SRGAP3: variants seen among roughly 807,000 people sequenced by gnomAD.
The protein encoded by SRGAP3 is SLIT-ROBO Rho GTPase activating protein 3.
SRGAP3 carries 39 observed loss-of-function variants against 121.1 expected under a neutral mutation model. The ratio of observed to expected loss-of-function variants is 0.32; its 90% CI spans 0.25 to 0.42. SRGAP3 has a LOEUF of 0.42. Among genes scored for constraint, SRGAP3 ranks in the 10% least tolerant of loss-of-function variants. The pLI, the probability that SRGAP3 is intolerant of heterozygous loss-of-function variation, is 1.00. For missense variants in SRGAP3, 1,213 were observed against 1,470.6 expected (o/e 0.82, Z 2.86); for synonymous variants, 601 against 570.0 (o/e 1.05, Z -0.77).
At chr3:9,028,249 G>T in intron 12 of SRGAP3, 1 of 1,363,142 alleles carries the variant, frequency 7.3e-7, no homozygotes, top group Non-Finnish European at 1.0e-6. Flanking sequence ...TGCAATGGCA[G>T]CCAGCCAAGG....
chr3:9,226,610 A>G (rs577080175), intron 1 of SRGAP3, among the ~76,000 whole-genome samples: 1 of 152,326 alleles, frequency 6.6e-6, no homozygotes, highest in South Asian at 2.1e-4. Context: ...CTCACTGTCA[A>G]CGAGAACCTT....
intron 2 of SRGAP3, among the ~76,000 whole-genome samples, chr3:9,106,839 T>G (rs1230686789): frequency 2.0e-5 from 3 of 151,986 alleles, no homozygotes; most frequent in Non-Finnish European, 2.9e-5. Flanking sequence ...ATACAGCAAT[T>G]CTGCTGACTC....
At chr3:9,192,732 G>A (rs960676894) in intron 1 of SRGAP3, 3 of 152,172 alleles carry the variant, frequency 2.0e-5, no homozygotes, top group African/African-American at 7.2e-5. Flanking sequence ...CAAACCTAAG[G>A]TAGTTTTGGG....
At position 9,239,374 on chromosome 3, in the gene SRGAP3, T is replaced by A. The variant is rs1303978743; in HGVS notation, c.67+9511A>T. Among the ~76,000 whole-genome samples, 1 of 152,134 alleles carries A rather than the reference T, an allele frequency of 6.6e-6. No individual in the cohort carries two copies. The highest frequency in any genetic ancestry group is 2.4e-5 in the African/African-American group (1 of 41,422). On this transcript the variant is annotated intron_variant, in intron 1 of 21. Transcript: ENST00000383836. The surrounding 1 kb of genome is among the most constrained non-coding windows in gnomAD (Gnocchi z 4.0). The stretch of plus-strand genomic sequence containing the variant: ...CAGTCTGGGCAACAGAGCAAGACTC[T>A]GTCTCAAAAAAACAAAAGATAGAGA...
intron 4 of SRGAP3, among the ~76,000 whole-genome samples, chr3:9,072,723 TG>T (rs1402965261): frequency 6.6e-6 from 1 of 152,240 alleles, no homozygotes; most frequent in Non-Finnish European, 1.5e-5. Flanking sequence ...CCCCACTATC[TG>T]GCACTGGGTC....
intron 2 of SRGAP3, 33 bp downstream of exon 2, chr3:9,124,692 C>A: frequency 1.2e-6 from 2 of 1,613,312 alleles, no homozygotes; most frequent in South Asian, 1.1e-5. Flanking sequence ...AGTGCTGCCT[C>A]CCATCTCTGT....
At chr3:9,098,009 C>T (rs894997125) in intron 3 of SRGAP3, among the ~76,000 whole-genome samples, 1 of 152,210 alleles carries the variant, frequency 6.6e-6, no homozygotes, top group African/African-American at 2.4e-5. Flanking sequence ...AGTCTCAGAG[C>T]TGGCTTCCCA....
rs898401409 is a variant in SRGAP3, at chr3:9,109,976, T to C, written c.261-5134A>G. 6.6e-6 allele frequency among the ~76,000 whole-genome samples: 1 copy of C among 151,952 alleles called. No homozygotes were observed. Among genetic ancestry groups the C allele is most frequent in the Admixed American group, 6.6e-5 (1 of 15,250 alleles). ...GGCCACTTGGGAAAGGGCCTTTAAC[T>C]CTCATTAGAGTTCAAGCTCCGTCCT... On this transcript the variant is annotated intron_variant, in intron 2 of 21. Coordinates refer to ENST00000383836, the MANE Select transcript of SRGAP3 (RefSeq NM_014850.4). The surrounding 1 kb of genome is among the most constrained non-coding windows in gnomAD (Gnocchi z 4.4).
chr3:9,014,200 C>T lies in SRGAP3; in HGVS notation c.1814-358G>A, dbSNP rs867628895. 28 of 365,532 alleles carry T rather than the reference C, an allele frequency of 7.7e-5. 1 individual carries two copies. Among genetic ancestry groups the T allele is most frequent in the South Asian group, 4.8e-4 (19 of 39,974 alleles). 22.6% of individuals were successfully genotyped at this position (365,532 alleles called of 1,614,324 possible). On this transcript the variant is annotated intron_variant, in intron 15 of 21. Coordinates refer to ENST00000383836, the MANE Select transcript of SRGAP3 (RefSeq NM_014850.4). ...AGAGTGAAGCTGGCATAGAGCCGGA[C>T]GGGGCATATATCTGCTGATGCCGTG...
At chr3:9,106,940 A>G (rs945750122) in intron 2 of SRGAP3, among the ~76,000 whole-genome samples, 3 of 151,636 alleles carry the variant, frequency 2.0e-5, no homozygotes, top group Non-Finnish European at 4.4e-5. Flanking sequence ...ACCTCTCCCT[A>G]TCTCCTGGGG....
intron 14 of SRGAP3, among the ~76,000 whole-genome samples, chr3:9,020,071 A>G (rs1180284670): frequency 1.3e-5 from 2 of 152,212 alleles, no homozygotes; most frequent in African/African-American, 4.8e-5. Context: ...CATGGTTCCA[A>G]TACCACCATT....
At chr3:9,242,452 T>C (rs955246807) in intron 1 of SRGAP3, among the ~76,000 whole-genome samples, 3 of 152,034 alleles carry the variant, frequency 2.0e-5, no homozygotes, top group Non-Finnish European at 4.4e-5. Context: ...CTGGGCAACA[T>C]GGTGAAACTC....
At chr3:9,089,177 C>T (rs748561546) in intron 3 of SRGAP3, among the ~76,000 whole-genome samples, 6 of 151,876 alleles carry the variant, frequency 4.0e-5, no homozygotes, top group Non-Finnish European at 5.9e-5. Context: ...GTATGAGTCA[C>T]GGTGCCTGGC....
chr3:9,139,341 T>C (rs1224722992), intron 1 of SRGAP3, among the ~76,000 whole-genome samples: 4 of 152,168 alleles, frequency 2.6e-5, no homozygotes, highest in Non-Finnish European at 5.9e-5. Context: ...ATTAAGGATC[T>C]TGAGGAGATT....
At chr3:9,075,276 G>T (rs1946907996) in intron 4 of SRGAP3, among the ~76,000 whole-genome samples, 1 of 152,180 alleles carries the variant, frequency 6.6e-6, no homozygotes, top group Admixed American at 6.5e-5. Context: ...GGATATATGT[G>T]TGCGCACGCT....
intron 1 of SRGAP3, among the ~76,000 whole-genome samples, chr3:9,159,413 G>A (rs1172732992): frequency 6.6e-6 from 1 of 152,134 alleles, no homozygotes; most frequent in African/African-American, 2.4e-5. Flanking sequence ...TCTGCCACCT[G>A]GGCCACTGTA....
intron 1 of SRGAP3, among the ~76,000 whole-genome samples, chr3:9,203,843 C>T (rs1952161872): frequency 6.6e-6 from 1 of 152,166 alleles, no homozygotes; most frequent in Admixed American, 6.5e-5. Flanking sequence ...GGCTTTCATA[C>T]CCGGGATTTC....
intron 4 of SRGAP3, among the ~76,000 whole-genome samples, chr3:9,071,053 A>G (rs575712629): frequency 3.3e-5 from 5 of 152,264 alleles, no homozygotes; most frequent in African/African-American, 1.2e-4. Flanking sequence ...TGTCCCAGAC[A>G]AAGGGAGCAG....
chr3:9,089,292 C>CGGGGGGG (rs58674136), intron 3 of SRGAP3, among the ~76,000 whole-genome samples: 1 of 8,344 alleles, frequency 1.2e-4, no homozygotes, highest in African/African-American at 2.0e-4. Context: ...GTGGGGTGGG[C>CGGGGGGG]GGGGGGGGGG....
Sources: gnomAD v4.1 joint callset for allele counts (sites outside exome capture counted in the v4.1 genomes callset) on GRCh38, gnomAD v4.1.1 for gene constraint, Gnocchi (gnomAD v3.1) non-coding constraint, MANE v1.5 for transcripts, NCBI Gene and HGNC (gene_info 2026-07-23, HGNC 2026-07-21) for gene names.